GLB1L2: variants seen among roughly 807,000 people sequenced by gnomAD.
The protein encoded by GLB1L2 is beta-galactosidase-1-like protein 2.
GLB1L2 carries 68 observed loss-of-function variants against 84.1 expected under a neutral mutation model. The ratio of observed to expected loss-of-function variants is 0.81; its 90% confidence interval spans 0.67 to 0.99. GLB1L2 has a LOEUF of 0.99. Among genes scored for constraint, GLB1L2 ranks in the 50% least tolerant of loss-of-function variants. GLB1L2 has a pLI of 0.00. For synonymous variants in GLB1L2, 290 were observed against 318.0 expected (o/e 0.91, Z 0.94); for missense variants, 762 against 805.6 (o/e 0.95, Z 0.66).
At chr11:134,344,295 T>C (rs1943513017) in intron 2 of GLB1L2, 92 bp from the exon 3 acceptor site, 2 of 1,410,266 alleles carry the variant, frequency 1.4e-6, no homozygotes, top group Non-Finnish European at 2.0e-6. Context: ...TCTTTAGCCA[T>C]CATATTGGAT....
intron 6 of GLB1L2, among the ~76,000 whole-genome samples, chr11:134,358,492 C>T (rs991826581): frequency 6.6e-6 from 1 of 152,302 alleles, no homozygotes; most frequent in African/African-American, 2.4e-5. Flanking sequence ...TTCCACTTCA[C>T]TCTCTGCTTT....
chr11:134,342,552 G>A (rs574321503), intron 1 of GLB1L2, among the ~76,000 whole-genome samples: 1 of 152,156 alleles, frequency 6.6e-6, no homozygotes, highest in Non-Finnish European at 1.5e-5. Flanking sequence ...CTGCAGCCTC[G>A]GCCTGCCCTT....
intron 1 of GLB1L2, among the ~76,000 whole-genome samples, chr11:134,332,689 G>A (rs1382085619): frequency 6.6e-6 from 1 of 152,144 alleles, no homozygotes; most frequent in Non-Finnish European, 1.5e-5. Flanking sequence ...TGATTTATTT[G>A]CACAGTAGGA....
At chr11:134,335,546 C>G (rs1943372788) in intron 1 of GLB1L2, among the ~76,000 whole-genome samples, 1 of 152,086 alleles carries the variant, frequency 6.6e-6, no homozygotes, top group African/African-American at 2.4e-5. Context: ...CTCTGGGATT[C>G]TTACAGGACC....
At chr11:134,354,630 A>C (rs1259502426) in intron 5 of GLB1L2, among the ~76,000 whole-genome samples, 1 of 151,952 alleles carries the variant, frequency 6.6e-6, no homozygotes, top group Non-Finnish European at 1.5e-5. Context: ...TTTGCTGGAT[A>C]TAGAAGTGTC....
chr11:134,367,563 T>C (rs1207302025), intron 9 of GLB1L2, among the ~76,000 whole-genome samples: 6 of 152,132 alleles, frequency 3.9e-5, no homozygotes, highest in Admixed American at 3.3e-4. Context: ...ATTAGAAGGG[T>C]AATGCATGCC....
chr11:134,372,955 T>C (rs1307593564), intron 15 of GLB1L2, among the ~76,000 whole-genome samples: 1 of 152,184 alleles, frequency 6.6e-6, no homozygotes, highest in African/African-American at 2.4e-5. Context: ...TGTTCCTAAC[T>C]TTGCTTCCCT....
chr11:134,369,772 G>A (rs959721172), intron 10 of GLB1L2, 33 bp from the exon 11 acceptor site: 1 of 1,593,592 alleles, frequency 6.3e-7, no homozygotes, highest in Middle Eastern at 1.7e-4. Context: ...GCTGGGGACA[G>A]GAATGACCAT....
chr11:134,335,686 C>G (rs1943375534), intron 1 of GLB1L2, among the ~76,000 whole-genome samples: 1 of 152,140 alleles, frequency 6.6e-6, no homozygotes, highest in South Asian at 2.1e-4. Context: ...GCAGAAATAG[C>G]AGAAAGTTGA....
chr11:134,344,599 A>G (rs1591612472), intron 3 of GLB1L2, 144 bp downstream of exon 3: 1 of 1,032,862 alleles, frequency 9.7e-7, no homozygotes, highest in East Asian at 2.4e-5. Flanking sequence ...TGCACCCAGG[A>G]CCCAGACGCT....
At chr11:134,342,268 G>T (rs1190242319) in intron 1 of GLB1L2, among the ~76,000 whole-genome samples, 1 of 152,184 alleles carries the variant, frequency 6.6e-6, no homozygotes. Flanking sequence ...AAATAATGAA[G>T]ACCTGGAATC....
In GLB1L2 at chr11:134,334,518, T is replaced by C. The variant is rs1261598021; in HGVS notation, c.86+2371T>C. Among the ~76,000 whole-genome samples, 4 of 151,916 alleles carry C rather than the reference T, an allele frequency of 2.6e-5. 1 individual carries two copies. ...TTCTTAAAAATTACCTTTATTGGAGTTTAATTAATATGTACAATTTGATAA... is the reference window on the plus strand; with the variant it reads ...TTCTTAAAAATTACCTTTATTGGAGCTTAATTAATATGTACAATTTGATAA... On this transcript the variant is annotated intron_variant, in intron 1 of 18. Transcript: ENST00000535456. This position sits in a 1 kb window ranked among gnomAD's most constrained non-coding sequence, Gnocchi z 4.1.
At position 134,338,307 on chromosome 11, in the gene GLB1L2, G is replaced by A. The variant is rs888514155; in HGVS notation, c.87-4447G>A. On this transcript the variant is annotated intron_variant, in intron 1 of 18. Coordinates refer to ENST00000535456, the MANE Select transcript of GLB1L2 (RefSeq NM_001370461.1). This position sits in a 1 kb window ranked among gnomAD's most constrained non-coding sequence, Gnocchi z 6.2. ...ATTGACGGGTGATGCAGGGATGCCC[G>A]CTGGCATGGCAGGACGCATTTCAAG... Among the ~76,000 whole-genome samples, 8 of 152,096 alleles carry A rather than the reference G, an allele frequency of 5.3e-5. No individual in the cohort carries two copies. The highest frequency in any genetic ancestry group is 3.9e-4 in the Admixed American group (6 of 15,282).
chr11:134,370,936 C>T lies in GLB1L2; in HGVS notation c.1216-72C>T. 4 of 1,561,404 alleles carry T rather than the reference C, an allele frequency of 2.6e-6. No homozygotes were observed. Among genetic ancestry groups the T allele is most frequent in the Non-Finnish European group, 3.5e-6 (4 of 1,145,448 alleles). ...CCTCCGCTTCCACCCCATGTGCCAG[C>T]CCCCAGGCAGAGTCTGTCTGTGACC... On this transcript the variant is annotated intron_variant, in intron 12 of 18. Coordinates refer to ENST00000535456, the MANE Select transcript of GLB1L2 (RefSeq NM_001370461.1). This position sits in a 1 kb window ranked among gnomAD's most constrained non-coding sequence, Gnocchi z 4.7.
intron 15 of GLB1L2, chr11:134,372,465 T>G (rs543139868): frequency 1.3e-5 from 2 of 152,060 alleles, no homozygotes; most frequent in Non-Finnish European, 2.9e-5. Context: ...GCTCACTGCA[T>G]GCTCCACCTC....
In GLB1L2 at chr11:134,370,511, C is replaced by A; in HGVS notation, c.1215+112C>A. The stretch of plus-strand genomic sequence containing the variant: ...CGGGAGGTGAGAGTCGTCGGGGCAG[C>A]AGGGCCTGGAGCCCCTCCAGACAGG... On this transcript the variant is annotated intron_variant, in intron 12 of 18. Coordinates refer to ENST00000535456, the MANE Select transcript of GLB1L2 (RefSeq NM_001370461.1). This position sits in a 1 kb window ranked among gnomAD's most constrained non-coding sequence, Gnocchi z 4.7. 2.5e-6 allele frequency: 2 copies of A among 797,082 alleles called. No homozygotes were observed. The highest frequency in any genetic ancestry group is 1.5e-5 in the South Asian group (1 of 65,840). The allele number at this position is 797,082 out of a possible 1,614,324, so 49.4% of individuals were successfully genotyped here.
At chr11:134,371,715 C>T in intron 14 of GLB1L2, 37 bp from the exon 15 acceptor site, 2 of 1,605,756 alleles carry the variant, frequency 1.2e-6, no homozygotes, top group South Asian at 2.2e-5. Flanking sequence ...CAGCTGTGGC[C>T]TTCTGACAGT....
chr11:134,371,730 G>A (rs753691674), intron 14 of GLB1L2, 22 bp from the exon 15 acceptor site: 10 of 1,613,144 alleles, frequency 6.2e-6, no homozygotes, highest in Admixed American at 1.7e-5. Flanking sequence ...GACAGTCATC[G>A]TTAGCCCCGT....
chr11:134,374,521 G>C, intron 17 of GLB1L2, 81 bp from the exon 18 acceptor site: 1 of 1,141,064 alleles, frequency 8.8e-7, no homozygotes, highest in Non-Finnish European at 1.3e-6. Context: ...TCCTGGACCT[G>C]AGAGAAGCAC....
Sources: allele counts gnomAD v4.1 joint callset (sites outside exome capture counted in the v4.1 genomes callset), GRCh38; gene constraint gnomAD v4.1.1; non-coding constraint Gnocchi (gnomAD v3.1); transcripts MANE v1.5; gene names NCBI Gene and HGNC (gene_info 2026-07-23, HGNC 2026-07-21).